The following PLSCR2 variants were observed in gnomAD, a reference collection of about 807,000 sequenced individuals.
The protein encoded by PLSCR2 is phospholipid scramblase 2.
Under a neutral mutation model 25.3 loss-of-function variants are expected in PLSCR2, and 18 were observed. The observed-to-expected ratio is 0.71, with a 90% CI of 0.49 to 1.06. The LOEUF is 1.06. Among genes scored for constraint, PLSCR2 ranks in the 50% least tolerant of loss-of-function variants. The probability of loss-of-function intolerance (pLI) is 0.00; values close to 1 mark genes in which losing one functional copy is unlikely to be tolerated. For synonymous variants in PLSCR2, 88 were observed against 87.3 expected, an observed-to-expected ratio of 1.01 and a Z score of -0.04; for missense variants, 243 against 269.5, an observed-to-expected ratio of 0.90 and a Z score of 0.69.
chr3:146,451,866 G>A (rs1294771653), intron 5 of PLSCR2, among the ~76,000 whole-genome samples: 1 of 149,728 alleles, frequency 6.7e-6, no homozygotes, highest in African/African-American at 2.5e-5. Context: ...AGTTCCACAG[G>A]GACAGATCCC....
Position 146,399,168 on chromosome 3 carries a change from C to T in PLSCR2, c.101-3247G>A, listed in dbSNP as rs140275766. Among the ~76,000 whole-genome samples, 374 of 151,948 alleles carry T rather than the reference C, an allele frequency of 2.5e-3. 1 individual carries two copies. The highest frequency in any genetic ancestry group is 8.4e-3 in the African/African-American group (347 of 41,552). On this transcript the variant is annotated intron_variant and NMD_transcript_variant, in intron 2 of 3. Transcript: ENST00000463633. ...AAATTGCCATGCCCATGAAACACAA[C>T]GAAACTTTAATCTCATCCAAAACTG...
chr3:146,475,593 A>G (rs1399776056), intron 1 of PLSCR2, among the ~76,000 whole-genome samples: 1 of 152,124 alleles, frequency 6.6e-6, no homozygotes, highest in Non-Finnish European at 1.5e-5. Flanking sequence ...ACTTTCCTCA[A>G]CTAATTATAT....
chr3:146,395,948 G>C (rs887509436), intron 2 of PLSCR2: 2 of 301,448 alleles, frequency 6.6e-6, no homozygotes, highest in Non-Finnish European at 1.3e-5. Context: ...TATAATCTTA[G>C]GATAAAAATC....
intron 2 of PLSCR2, among the ~76,000 whole-genome samples, chr3:146,413,899 C>T (rs976687933): frequency 1.3e-5 from 2 of 152,192 alleles, no homozygotes; most frequent in African/African-American, 4.8e-5. Flanking sequence ...TATCAATTTT[C>T]TGTCTTAGTC....
chr3:146,470,762 A>G (rs541708604), intron 1 of PLSCR2, among the ~76,000 whole-genome samples: 29 of 152,258 alleles, frequency 1.9e-4, no homozygotes, highest in African/African-American at 7.0e-4. Context: ...AGAAAATAAG[A>G]TAGAAAAAGG....
chr3:146,433,388 T>C (rs1054736), exon 9 of PLSCR2: 1 of 151,980 alleles, frequency 6.6e-6, no homozygotes, highest in Non-Finnish European at 1.5e-5. Flanking sequence ...GTTTATCTAG[T>C]ATTTGAATTT....
chr3:146,424,064 C>G (rs868806127), intron 2 of PLSCR2, among the ~76,000 whole-genome samples: 1 of 151,544 alleles, frequency 6.6e-6, no homozygotes, highest in African/African-American at 2.4e-5. Flanking sequence ...AGCAAACCAC[C>G]ATGGCACGTG....
chr3:146,488,954 T>C (rs1400306952), intron 1 of PLSCR2, among the ~76,000 whole-genome samples: 1 of 152,088 alleles, frequency 6.6e-6, no homozygotes, highest in African/African-American at 2.4e-5. Context: ...AAAAAGAATA[T>C]GGTATATATA....
chr3:146,495,931 C>A (rs768795941), exon 1 of PLSCR2: 1 of 1,534,960 alleles, frequency 6.5e-7, no homozygotes. Flanking sequence ...ATTCTCCATT[C>A]GGCCCACAAT....
intron 2 of PLSCR2, among the ~76,000 whole-genome samples, chr3:146,411,464 C>T (rs2108040971): frequency 1.3e-5 from 2 of 152,320 alleles, no homozygotes; most frequent in South Asian, 4.1e-4. Context: ...TCAATCCGCT[C>T]TCCTCCGGAA....
At position 146,397,639 on chromosome 3, in the gene PLSCR2, A is replaced by G. The variant is rs148432891; in HGVS notation, c.101-1718T>C. Among the ~76,000 whole-genome samples the G allele has an allele frequency of 4.6e-5, 7 of 152,264 alleles. No homozygotes were observed. In the East Asian group the frequency reaches 1.3e-3, roughly 29 times the overall value. On this transcript the variant is annotated intron_variant and NMD_transcript_variant, in intron 2 of 3. Coordinates refer to the PLSCR2 transcript ENST00000463633. Reference sequence around the variant, plus strand: ...AAACAGAAAAAATAGGAAGTGTTTTATATAACTTTGACAAAGTTTTGAAGA... The same window carrying G: ...AAACAGAAAAAATAGGAAGTGTTTTGTATAACTTTGACAAAGTTTTGAAGA...
At chr3:146,466,539 G>C (rs979333157) in intron 1 of PLSCR2, among the ~76,000 whole-genome samples, 2 of 152,164 alleles carry the variant, frequency 1.3e-5, no homozygotes, top group African/African-American at 4.8e-5. Context: ...TGAAATTGTA[G>C]TAGTAAAGTG....
chr3:146,470,245 C>G (rs970404738), intron 1 of PLSCR2, among the ~76,000 whole-genome samples: 3 of 152,114 alleles, frequency 2.0e-5, no homozygotes, highest in African/African-American at 7.2e-5. Flanking sequence ...ACATATTGCA[C>G]TGACGTTTCT....
Position 146,460,234 on chromosome 3 carries a change from T to C in PLSCR2, c.-242A>G, listed in dbSNP as rs139871482. On this transcript the variant is annotated 5_prime_UTR_variant, in exon 1 of 7. Coordinates refer to ENST00000610787, the Ensembl canonical transcript of PLSCR2. ...GTATGTTTTTATCTTCAGATATGTT[T>C]TAATGAAATATCTGTGGTTTCACAT... 5,441 of 1,378,924 alleles carry C rather than the reference T, an allele frequency of 3.9e-3. 21 individuals carry two copies. The highest frequency in any genetic ancestry group is 5.5e-3 in the South Asian group (310 of 56,692). 85.4% of individuals were successfully genotyped at this position (1,378,924 alleles called of 1,614,324 possible).
intron 1 of PLSCR2, among the ~76,000 whole-genome samples, chr3:146,490,395 T>G (rs998515671): frequency 3.9e-5 from 6 of 152,008 alleles, no homozygotes; most frequent in African/African-American, 1.2e-4. Flanking sequence ...CTTCCTTCCT[T>G]CTTTGAAAAT....
chr3:146,452,767 A>C (rs776579334), intron 5 of PLSCR2, among the ~76,000 whole-genome samples: 23 of 152,046 alleles, frequency 1.5e-4, no homozygotes, highest in Non-Finnish European at 2.8e-4. Flanking sequence ...TATTAATATC[A>C]TTCCTAGAAG....
chr3:146,483,339 A>C, intron 1 of PLSCR2, among the ~76,000 whole-genome samples: 1 of 149,002 alleles, frequency 6.7e-6, no homozygotes, highest in East Asian at 2.0e-4. Flanking sequence ...GTAAATGACG[A>C]GTTGATGGGT....
chr3:146,482,769 T>G (rs961602196), intron 1 of PLSCR2, among the ~76,000 whole-genome samples: 20 of 152,154 alleles, frequency 1.3e-4, no homozygotes. Flanking sequence ...TAAAGACACA[T>G]GAACACGTAT....
chr3:146,479,435 T>G (rs192480565), intron 1 of PLSCR2, among the ~76,000 whole-genome samples: 12 of 152,300 alleles, frequency 7.9e-5, no homozygotes, highest in African/African-American at 2.9e-4. Context: ...AAGCAGGGGT[T>G]GGAATCCTAC....
Sources: allele counts gnomAD v4.1 joint callset (sites outside exome capture counted in the v4.1 genomes callset), GRCh38; gene constraint gnomAD v4.1.1; transcripts MANE v1.5; gene names NCBI Gene and HGNC (gene_info 2026-07-23, HGNC 2026-07-21).